The following ORAI2 variants were observed in gnomAD, a reference collection of about 807,000 sequenced individuals.
The protein encoded by ORAI2 is ORAI calcium release-activated calcium modulator 2, also known as protein orai-2.
In ORAI2, 10 loss-of-function variants were observed where a neutral mutation model predicts 16.2. The observed-to-expected ratio is 0.62, with a 90% CI of 0.38 to 1.04. ORAI2 has a LOEUF of 1.04. Ranked by LOEUF, ORAI2 falls within the 50% of genes least tolerant of loss-of-function variation. The probability of loss-of-function intolerance (pLI) is 0.01; values close to 1 mark genes in which losing one functional copy is unlikely to be tolerated. For missense variants in ORAI2, 238 were observed against 355.5 expected (o/e 0.67, Z 2.66); for synonymous variants, 150 against 157.5 (o/e 0.95, Z 0.35).
chr7:102,435,536 CTTT>C (rs56680127), intron 1 of ORAI2, among the ~76,000 whole-genome samples: 16 of 121,550 alleles, frequency 1.3e-4, no homozygotes, highest in Admixed American at 1.8e-4. Flanking sequence ...GCCCCCCCCT[CTTT>C]TTTTTTTTTT....
chr7:102,441,144 C>T (rs1340611904), intron 3 of ORAI2, among the ~76,000 whole-genome samples: 9 of 151,938 alleles, frequency 5.9e-5, no homozygotes, highest in Admixed American at 2.0e-4. Context: ...CCGCCACCCT[C>T]GGCCTCCCAA....
At position 102,439,108 on chromosome 7, in the gene ORAI2, G is replaced by A. The variant is rs1241078361; in HGVS notation, c.152G>A (p.Arg51Gln). 8 of 1,614,036 alleles carry A rather than the reference G, an allele frequency of 5.0e-6. No homozygotes were observed. The highest frequency in any genetic ancestry group is 3.3e-5 in the Admixed American group (2 of 60,022). The change falls in exon 3 of 4, where the codon CGG becomes CAG. Residue 51 changes from arginine to glutamine, a missense_variant. Around this residue, in one of 3 missense-constraint regions of ORAI2, gnomAD observed 61 missense variants for 72.7 expected, o/e 0.84. Coordinates refer to ENST00000495936, the MANE Select transcript of ORAI2 (RefSeq NM_001126340.3). ...NHHSVQALSWRKLYLSRAKLK... is the reference protein window; with the variant it reads ...NHHSVQALSWQKLYLSRAKLK... ...CACTCGGTACAGGCCCTGTCGTGGC[G>A]GAAGCTCTACCTGAGCAGGGCCAAG... is the stretch of plus-strand genomic sequence containing the variant.
rs574229120 is a variant in ORAI2 at position 102,452,041 on chromosome 7, C to T, written c.*4989C>T. On this transcript the variant is annotated 3_prime_UTR_variant, in exon 4 of 4. Coordinates refer to ENST00000495936, the MANE Select transcript of ORAI2 (RefSeq NM_001126340.3). ...GGAGCTACCAGAGCACTGGTCACCT[C>T]AGGACATTCTCCAGCCCCAAGTCCC... 2 of 152,400 alleles carry T rather than the reference C, an allele frequency of 1.3e-5. No homozygotes were observed. Among genetic ancestry groups the T allele is most frequent in the African/African-American group, 4.8e-5 (2 of 41,564 alleles). 9.4% of individuals were successfully genotyped at this position (152,400 alleles called of 1,614,324 possible).
chr7:102,447,410 T>C lies in ORAI2; in HGVS notation c.*358T>C. On this transcript the variant is annotated 3_prime_UTR_variant, in exon 4 of 4. Coordinates refer to ENST00000495936, the MANE Select transcript of ORAI2 (RefSeq NM_001126340.3). ...GAGTCTCAGACCCGGCATGCGTGGC[T>C]GGCAGACCTGGGAGAGCCAGGGCAG... 4.0e-6 allele frequency: 1 copy of C among 251,358 alleles called. No homozygotes were observed. Among genetic ancestry groups the C allele is most frequent in the South Asian group, 7.8e-5 (1 of 12,816 alleles). The allele number at this position is 251,358 out of a possible 1,614,324, so 15.6% of individuals were successfully genotyped here. A position where few individuals can be genotyped will look rare whatever the true frequency, so the allele number is the denominator to read the frequency against.
At chr7:102,436,478 C>A in intron 2 of ORAI2, 145 bp downstream of exon 2, 1 of 380,884 alleles carries the variant, frequency 2.6e-6, no homozygotes, top group Non-Finnish European at 3.6e-6. Context: ...TGCGTAATTT[C>A]CAAATTGGGG....
Position 102,452,144 on chromosome 7 carries a change from T to G in ORAI2, c.*5092T>G, listed in dbSNP as rs887731990. The G allele has an allele frequency of 6.6e-6, 1 of 152,074 alleles. No individual in the cohort carries two copies. The highest frequency in any genetic ancestry group is 6.6e-5 in the Admixed American group (1 of 15,256). 9.4% of individuals were successfully genotyped at this position (152,074 alleles called of 1,614,324 possible). A position where few individuals can be genotyped will look rare whatever the true frequency, so the allele number is the denominator to read the frequency against. The stretch of plus-strand genomic sequence containing the variant: ...AGGAAGCACCAGACAGCCTTTTTTT[T>G]TTTTTTGAGACAGAGTCGCTCTGTC... On this transcript the variant is annotated 3_prime_UTR_variant, in exon 4 of 4. Transcript: ENST00000495936.
intron 2 of ORAI2, among the ~76,000 whole-genome samples, chr7:102,437,520 CAGG>C (rs1422206627): frequency 3.3e-5 from 5 of 152,162 alleles, no homozygotes; most frequent in African/African-American, 1.2e-4. Flanking sequence ...GAGGCTGAGG[CAGG>C]AGAACGGCTT....
intron 3 of ORAI2, among the ~76,000 whole-genome samples, chr7:102,440,235 G>T (rs1797159604): frequency 6.6e-6 from 1 of 152,198 alleles, no homozygotes. Context: ...CTCAGAGATT[G>T]ATTGGGGTTG....
chr7:102,443,816 C>T lies in ORAI2; in HGVS notation c.226-2697C>T, dbSNP rs1337803135. On this transcript the variant is annotated intron_variant, in intron 3 of 3. Transcript: ENST00000495936. Reference sequence around the variant, plus strand: ...TTGCGTCCCGGGTTCAAGAGATTCTCCTGCCTCAGCCTCCCGAGTAGTTGG... The same window carrying T: ...TTGCGTCCCGGGTTCAAGAGATTCTTCTGCCTCAGCCTCCCGAGTAGTTGG... Among the ~76,000 whole-genome samples, 6 of 152,240 alleles carry T rather than the reference C, an allele frequency of 3.9e-5. No homozygotes were observed. The East Asian group carries it at 1.2e-3, about 29-fold the overall frequency.
intron 3 of ORAI2, among the ~76,000 whole-genome samples, chr7:102,440,153 A>G (rs1797156953): frequency 6.6e-6 from 1 of 152,168 alleles, no homozygotes; most frequent in East Asian, 1.9e-4. Flanking sequence ...TTCCTGAGAA[A>G]AGGCGCCCAT....
intron 2 of ORAI2, among the ~76,000 whole-genome samples, chr7:102,436,797 G>A (rs986880936): frequency 6.6e-6 from 1 of 152,000 alleles, no homozygotes; most frequent in Non-Finnish European, 1.5e-5. Context: ...TGCAACCTCC[G>A]CCTTCTGGGT....
At chr7:102,437,943 G>C (rs960221376) in intron 2 of ORAI2, among the ~76,000 whole-genome samples, 3 of 152,182 alleles carry the variant, frequency 2.0e-5, no homozygotes, top group Admixed American at 6.6e-5. Context: ...TAGCTCCTCA[G>C]AAGGCTGAGG....
chr7:102,442,442 A>G (rs886303386), intron 3 of ORAI2, among the ~76,000 whole-genome samples: 3 of 152,194 alleles, frequency 2.0e-5, no homozygotes, highest in East Asian at 3.8e-4. Flanking sequence ...TAATCTGAGC[A>G]CTTTGGGAGG....
rs773716007 is a variant in ORAI2, at chr7:102,439,051, G to A, written c.95G>A (p.Arg32His). 6 of 1,614,020 alleles carry A rather than the reference G, an allele frequency of 3.7e-6. No homozygotes were observed. The highest frequency in any genetic ancestry group is 5.1e-6 in the Non-Finnish European group (6 of 1,180,032). The stretch of plus-strand genomic sequence containing the variant: ...ATGGATTACCGGGACTGGGTCCGCC[G>A]CAGCTACCTGGAACTGGTCACCTCT... ...KGMDYRDWVRRSYLELVTSNH... is the reference protein window; with the variant it reads ...KGMDYRDWVRHSYLELVTSNH... Residue 32 changes from arginine to histidine, a missense_variant, in exon 3 of 4, where the codon CGC (arginine) becomes CAC (histidine). Arg to His is a conservative substitution (Grantham distance 29). Transcript: ENST00000495936.
rs556914839 is a variant in ORAI2, at chr7:102,454,696, T to C, written c.*7644T>C. ...CAGAAGCCGCCCTTGGAGCGGGCAC[T>C]TCCCTATTTGGGCGTGTCCCAGTCC... On this transcript the variant is annotated 3_prime_UTR_variant, in exon 4 of 4. Transcript: ENST00000495936. 6.6e-6 allele frequency: 1 copy of C among 152,388 alleles called. No individual in the cohort carries two copies. Among genetic ancestry groups the C allele is most frequent in the African/African-American group, 2.4e-5 (1 of 41,600 alleles). 9.4% of individuals were successfully genotyped at this position (152,388 alleles called of 1,614,324 possible). A position where few individuals can be genotyped will look rare whatever the true frequency, so the allele number is the denominator to read the frequency against.
chr7:102,445,289 C>T (rs913485204), intron 3 of ORAI2, among the ~76,000 whole-genome samples: 3 of 125,398 alleles, frequency 2.4e-5, no homozygotes, highest in Non-Finnish European at 3.3e-5. Context: ...GGTCAGTTTC[C>T]GTTTTTTGTT....
intron 3 of ORAI2, among the ~76,000 whole-genome samples, chr7:102,439,751 G>A (rs564407150): frequency 7.9e-4 from 120 of 152,016 alleles, no homozygotes; most frequent in Admixed American, 2.1e-3. Context: ...ACGTCAGAGT[G>A]AGACCCCATC....
At chr7:102,437,573 C>T (rs1797094385) in intron 2 of ORAI2, among the ~76,000 whole-genome samples, 1 of 152,174 alleles carries the variant, frequency 6.6e-6, no homozygotes. Flanking sequence ...CGAAATTGCG[C>T]CACTTCACTC....
chr7:102,435,526 GC>G (rs1290742616), intron 1 of ORAI2, among the ~76,000 whole-genome samples: 6 of 131,868 alleles, frequency 4.6e-5, no homozygotes, highest in Middle Eastern at 3.6e-3. Flanking sequence ...GATGAGGATT[GC>G]CCCCCCCTCT....
Sources: allele counts gnomAD v4.1 joint callset (sites outside exome capture counted in the v4.1 genomes callset), GRCh38; gene constraint gnomAD v4.1.1; regional missense constraint gnomAD v4.1.1; transcripts MANE v1.5; gene names NCBI Gene and HGNC (gene_info 2026-07-23, HGNC 2026-07-21).